The following DHX15 variants were observed in gnomAD, a reference collection of about 807,000 sequenced individuals.
The protein encoded by DHX15 is DEAH-box helicase 15.
In DHX15, 11 loss-of-function variants were observed where a neutral mutation model predicts 94.4. That is an observed-to-expected ratio of 0.12 (90% CI 0.07 to 0.19). The LOEUF (loss-of-function observed/expected upper bound fraction) is 0.19, where lower values mean the gene tolerates loss of function less well. Among genes scored for constraint, DHX15 ranks in the 10% least tolerant of loss-of-function variants. The pLI, the probability that DHX15 is intolerant of heterozygous loss-of-function variation, is 1.00. For missense variants in DHX15, 304 were observed against 988.5 expected, an observed-to-expected ratio of 0.31 and a Z score of 9.29; for synonymous variants, 338 against 329.9, an observed-to-expected ratio of 1.02 and a Z score of -0.27.
At chr4:24,567,571 C>G (rs1399729239) in intron 3 of DHX15, among the ~76,000 whole-genome samples, 1 of 148,404 alleles carries the variant, frequency 6.7e-6, no homozygotes, top group African/African-American at 2.5e-5. Flanking sequence ...AGCAAGACTC[C>G]GTCTCCAAAA....
rs1349496773 is a variant in DHX15 at position 24,547,895 on chromosome 4, A to ATG, written c.1248+958_1248+959dup. ...TCTCTCTCTCTCTCTCTCTCTATGT[A>ATG]TGTATGTGTATATATATATATATAT... On this transcript the variant is annotated intron_variant, in intron 6 of 13. Coordinates refer to ENST00000336812, the MANE Select transcript of DHX15 (RefSeq NM_001358.3). 3.3e-3 allele frequency among the ~76,000 whole-genome samples: 150 copies of ATG among 44,778 alleles called. 5 individuals carry two copies. The highest frequency in any genetic ancestry group is 9.9e-3 in the African/African-American group (135 of 13,628). 29.4% of individuals were successfully genotyped at this position (44,778 alleles called of 152,430 possible).
chr4:24,546,059 C>T (rs7683651), intron 6 of DHX15, among the ~76,000 whole-genome samples: 8,157 of 152,118 alleles, frequency 0.054, 334 homozygotes, highest in African/African-American at 0.11. Context: ...AAGTAGAACT[C>T]GCAGTACTTC....
At chr4:24,548,456 T>C (rs1486979149) in intron 6 of DHX15, among the ~76,000 whole-genome samples, 1 of 152,192 alleles carries the variant, frequency 6.6e-6, no homozygotes, top group East Asian at 1.9e-4. Flanking sequence ...TCAGTGCTAC[T>C]GTTATTAGAG....
intron 3 of DHX15, among the ~76,000 whole-genome samples, chr4:24,564,356 G>T (rs1226442905): frequency 6.6e-6 from 1 of 152,180 alleles, no homozygotes; most frequent in Non-Finnish European, 1.5e-5. Context: ...AAATTATTGA[G>T]ATATTACGTG....
chr4:24,574,159 TCATA>T (rs1461223237), intron 2 of DHX15, among the ~76,000 whole-genome samples: 1 of 126,222 alleles, frequency 7.9e-6, no homozygotes, highest in East Asian at 2.4e-4. Flanking sequence ...AAAGCCAAGA[TCATA>T]CCACTGCACT....
intron 1 of DHX15, among the ~76,000 whole-genome samples, chr4:24,580,527 T>TA (rs1281500159): frequency 7.0e-6 from 1 of 141,962 alleles, no homozygotes; most frequent in East Asian, 2.2e-4. Context: ...TTTTTTTTTT[T>TA]AAAGACAGTC....
At chr4:24,539,453 T>C (rs1000704315) in intron 10 of DHX15, among the ~76,000 whole-genome samples, 1 of 152,192 alleles carries the variant, frequency 6.6e-6, no homozygotes, top group Non-Finnish European at 1.5e-5. Context: ...GTGGATTACA[T>C]TTTATTGTTA....
chr4:24,539,825 A>G (rs1397771927), intron 10 of DHX15: 2 of 229,042 alleles, frequency 8.7e-6, no homozygotes, highest in East Asian at 8.8e-5. Context: ...TGGACCTTTA[A>G]CCAAAGAATT....
chr4:24,542,463 G>A (rs1173731959), intron 7 of DHX15, among the ~76,000 whole-genome samples: 1 of 152,040 alleles, frequency 6.6e-6, no homozygotes, highest in Non-Finnish European at 1.5e-5. Context: ...AAAGATATTT[G>A]AAAAATAAAA....
At position 24,570,638 on chromosome 4, in the gene DHX15, A is replaced by G. The variant is rs1468399799; in HGVS notation, c.701+16T>C. 1.2e-6 allele frequency: 2 copies of G among 1,611,372 alleles called. No homozygotes were observed. Among genetic ancestry groups the G allele is most frequent in the East Asian group, 4.5e-5 (2 of 44,830 alleles). On this transcript the variant is annotated intron_variant, in intron 3 of 13. Transcript: ENST00000336812. ...AAGCAGAGGACTAAAAGCGTCATTA[A>G]AGATATAGTACTTACTTAAGAATGG...
chr4:24,575,197 G>C (rs1015030642), intron 2 of DHX15, among the ~76,000 whole-genome samples: 7 of 151,450 alleles, frequency 4.6e-5, no homozygotes, highest in Admixed American at 3.9e-4. Context: ...TGGTACTAAG[G>C]CTCAGTCTAT....
chr4:24,565,290 T>C (rs999546350), intron 3 of DHX15, among the ~76,000 whole-genome samples: 1 of 152,240 alleles, frequency 6.6e-6, no homozygotes, highest in Non-Finnish European at 1.5e-5. Flanking sequence ...GTTAGCTTTC[T>C]AGGAATTAGC....
At chr4:24,579,518 C>T (rs540845509) in intron 1 of DHX15, among the ~76,000 whole-genome samples, 2 of 152,284 alleles carry the variant, frequency 1.3e-5, no homozygotes, top group South Asian at 2.1e-4. Context: ...GACACAGCCA[C>T]ACCACGAGCA....
chr4:24,541,864 A>ACCCCCG lies in DHX15; in HGVS notation c.1485+8_1485+9insCGGGGG. On this transcript the variant is annotated intron_variant, in intron 8 of 13. Transcript: ENST00000336812. Reference sequence around the variant, plus strand: ...AAACATATCGGCAGGAAACGACAATACCCCATACCTGCATTTCTGTTTTAT... The same window carrying ACCCCCG: ...AAACATATCGGCAGGAAACGACAATACCCCCGCCCCATACCTGCATTTCTGTTTTAT... The ACCCCCG allele has an allele frequency of 6.4e-7, 1 of 1,555,018 alleles. No homozygotes were observed. Among genetic ancestry groups the ACCCCCG allele is most frequent in the South Asian group, 1.2e-5 (1 of 84,352 alleles).
Position 24,570,635 on chromosome 4 carries a change from T to TA in DHX15, c.701+18_701+19insT. Reference sequence around the variant, plus strand: ...GGCAAGCAGAGGACTAAAAGCGTCATTAAAGATATAGTACTTACTTAAGAA... The same window carrying TA: ...GGCAAGCAGAGGACTAAAAGCGTCATATAAAGATATAGTACTTACTTAAGAA... On this transcript the variant is annotated intron_variant, in intron 3 of 13. Coordinates refer to ENST00000336812, the MANE Select transcript of DHX15 (RefSeq NM_001358.3). 6.2e-7 allele frequency: 1 copy of TA among 1,611,012 alleles called. No individual in the cohort carries two copies. The highest frequency in any genetic ancestry group is 2.2e-5 in the East Asian group (1 of 44,830).
intron 12 of DHX15, among the ~76,000 whole-genome samples, chr4:24,531,579 A>G (rs1023303584): frequency 1.3e-5 from 2 of 151,978 alleles, no homozygotes; most frequent in African/African-American, 4.8e-5. Flanking sequence ...TTAGCTAGGC[A>G]TAGTGGTGCG....
chr4:24,528,370 T>C (rs937093174), intron 13 of DHX15, among the ~76,000 whole-genome samples: 13 of 152,212 alleles, frequency 8.5e-5, no homozygotes, highest in East Asian at 3.8e-4. Flanking sequence ...TCCAAGGATA[T>C]AGTAATATAT....
intron 11 of DHX15, among the ~76,000 whole-genome samples, chr4:24,536,263 G>T (rs1721195336): frequency 6.6e-6 from 1 of 152,006 alleles, no homozygotes; most frequent in Non-Finnish European, 1.5e-5. Flanking sequence ...TTTTTCCACT[G>T]GTGGGCATTT....
chr4:24,547,955 C>CTATATATATA (rs1375816256), intron 6 of DHX15, among the ~76,000 whole-genome samples: 1 of 109,380 alleles, frequency 9.1e-6, no homozygotes, highest in African/African-American at 4.4e-5. Context: ...ATATCTATAT[C>CTATATATATA]TATATCTATC....
Sources: allele counts gnomAD v4.1 joint callset (sites outside exome capture counted in the v4.1 genomes callset), GRCh38; gene constraint gnomAD v4.1.1; transcripts MANE v1.5; gene names NCBI Gene and HGNC (gene_info 2026-07-23, HGNC 2026-07-21).